AARS2: variants seen among roughly 807,000 people sequenced by gnomAD.
AARS2 encodes alanyl-tRNA synthetase 2, mitochondrial.
Under a neutral mutation model 119.7 loss-of-function variants are expected in AARS2, and 78 were observed. The observed-to-expected ratio is 0.65, with a 90% confidence interval of 0.54 to 0.79. AARS2 has a LOEUF of 0.79. Among genes scored for constraint, AARS2 ranks in the 30% least tolerant of loss-of-function variants. The pLI is 0.00. For missense variants in AARS2, 1,157 were observed against 1,291.3 expected (o/e 0.90, Z 1.59); for synonymous variants, 502 against 526.3 (o/e 0.95, Z 0.63).
Position 44,303,310 on chromosome 6 carries a change from GA to G in AARS2, c.2120del (p.Val707AlafsTer54). The G allele has an allele frequency of 6.2e-7, 1 of 1,614,118 alleles. No homozygotes were observed. The highest frequency in any genetic ancestry group is 8.5e-7 in the Non-Finnish European group (1 of 1,180,042). ...EEVPLALTAQ[V>X]PGLRSLDEVY... Reference sequence around the variant, plus strand: ...CCTCATCCAGAGAGCGCAGGCCAGGGACCTGGGCAGTGAGCGCCAGGGGCAC... The same window carrying G: ...CCTCATCCAGAGAGCGCAGGCCAGGGCCTGGGCAGTGAGCGCCAGGGGCAC... On this transcript the variant is annotated frameshift_variant, in exon 15 of 22. Coordinates refer to ENST00000244571, the MANE Select transcript of AARS2 (RefSeq NM_020745.4). LOFTEE classifies it high-confidence loss of function.
At position 44,312,076 on chromosome 6, in the gene AARS2, A is replaced by G; in HGVS notation, c.431T>C (p.Phe144Ser). ...CACTGATCCCCAGAGACTCACCTTA[A>G]AATATTCACCCCCAAAGGCCCAATT... Reference protein sequence around the residue: ...LGNWAFGGEYFKEEACNMAWE... With the variant: ...LGNWAFGGEYSKEEACNMAWE... Residue 144 changes from phenylalanine to serine, a missense_variant, in exon 2 of 22, where the codon TTT becomes TCT. Phe to Ser is a radical substitution (Grantham distance 155). Coordinates refer to ENST00000244571, the MANE Select transcript of AARS2 (RefSeq NM_020745.4). 1 of 1,614,110 alleles carries G rather than the reference A, an allele frequency of 6.2e-7. No homozygotes were observed. Among genetic ancestry groups the G allele is most frequent in the East Asian group, 2.2e-5 (1 of 44,882 alleles).
intron 18 of AARS2, 93 bp downstream of exon 18, chr6:44,302,298 A>G (rs538959791): frequency 2.5e-6 from 4 of 1,611,564 alleles, no homozygotes; most frequent in Middle Eastern, 1.7e-4. Flanking sequence ...GCCCAACCCA[A>G]TTGGAGTGCT....
At position 44,299,942 on chromosome 6, in the gene AARS2, T is replaced by C. The variant is rs1434707153; in HGVS notation, c.*605A>G. Reference sequence around the variant, plus strand: ...TTGCTGGGAGGGGCAAAACTACTCTTTTTTAAAGGTAATAGAACCTTCTGG... The same window carrying C: ...TTGCTGGGAGGGGCAAAACTACTCTCTTTTAAAGGTAATAGAACCTTCTGG... On this transcript the variant is annotated 3_prime_UTR_variant, in exon 22 of 22. Coordinates refer to ENST00000244571, the MANE Select transcript of AARS2 (RefSeq NM_020745.4). 2 of 133,620 alleles carry C rather than the reference T, an allele frequency of 1.5e-5. No homozygotes were observed. Among genetic ancestry groups the C allele is most frequent in the African/African-American group, 5.7e-5 (2 of 35,050 alleles). 8.3% of individuals were successfully genotyped at this position (133,620 alleles called of 1,614,324 possible).
In AARS2 at chr6:44,307,623, AT is replaced by A; in HGVS notation, c.895-230del. The A allele has an allele frequency of 1.7e-6, 1 of 603,864 alleles. No individual in the cohort carries two copies. The allele number at this position is 603,864 out of a possible 1,614,324, so 37.4% of individuals were successfully genotyped here. ...GAACATATCTGTGACCATTTACTGA[AT>A]TTCTACTATCAGAACTGGGTGAGTA... On this transcript the variant is annotated intron_variant, in intron 5 of 21. Transcript: ENST00000244571. The surrounding 1 kb of genome is among the most constrained non-coding windows in gnomAD (Gnocchi z 4.4).
intron 4 of AARS2, 82 bp from the exon 5 acceptor site, chr6:44,310,525 G>C (rs1253613425): frequency 7.6e-6 from 12 of 1,570,298 alleles, no homozygotes; most frequent in South Asian, 1.1e-5. Flanking sequence ...TAGAGAAATG[G>C]GGGGGGGCCC....
Position 44,301,247 on chromosome 6 carries a change from CGTACCA to C in AARS2, c.2696_2701del (p.Val899_Arg901delinsGly). The C allele has an allele frequency of 3.1e-6, 5 of 1,613,922 alleles. No homozygotes were observed. Among genetic ancestry groups the C allele is most frequent in the Non-Finnish European group, 4.2e-6 (5 of 1,180,010 alleles). On this transcript the variant is annotated inframe_deletion, in exon 21 of 22. Transcript: ENST00000244571. ...GCTGGGGGCCTGCTCACACAGCTGC[CGTACCA>C]CCTTCACCAGCACCTGGACCACGAA...
At chr6:44,310,210 C>T (rs1786225405) in intron 5 of AARS2, 89 bp downstream of exon 5, 1 of 1,497,314 alleles carries the variant, frequency 6.7e-7, no homozygotes, top group African/African-American at 1.4e-5. Flanking sequence ...GCTGAGAACA[C>T]TCTGAGTTCT....
chr6:44,304,716 T>C lies in AARS2; in HGVS notation c.1681A>G (p.Arg561Gly), dbSNP rs958387642. 2.5e-6 allele frequency: 4 copies of C among 1,614,130 alleles called. No individual in the cohort carries two copies. Among genetic ancestry groups the C allele is most frequent in the Non-Finnish European group, 3.4e-6 (4 of 1,180,046 alleles). The change falls in exon 12 of 22, where the codon AGG (arginine) becomes GGG (glycine). Residue 561 changes from arginine to glycine, a missense_variant. Physicochemically the swap from Arg to Gly is moderately radical, Grantham distance 125. Transcript: ENST00000244571. ...KGQRCGLLLD[R>G]TNFYAEQGGQ... ...CCCTGTTCTGCGTAGAAGTTGGTCCTGTCCAAGAGGAGGCCACAGCGCTGG... is the reference window on the plus strand; with the variant it reads ...CCCTGTTCTGCGTAGAAGTTGGTCCCGTCCAAGAGGAGGCCACAGCGCTGG...
At chr6:44,304,059 G>C in intron 14 of AARS2, 122 bp downstream of exon 14, 1 of 1,437,010 alleles carries the variant, frequency 7.0e-7, no homozygotes, top group East Asian at 2.3e-5. Context: ...GGGTCCCATA[G>C]TGATTGGGTG....
chr6:44,303,140 C>T lies in AARS2; in HGVS notation c.2181G>A (p.Gly727=). 5.0e-6 allele frequency: 8 copies of T among 1,614,130 alleles called. No homozygotes were observed. Among genetic ancestry groups the T allele is most frequent in the Non-Finnish European group, 6.8e-6 (8 of 1,180,030 alleles). The change falls in exon 16 of 22, where the codon GGG becomes GGA. Residue 727 remains glycine (G), a synonymous_variant. Transcript: ENST00000244571. ...YPDPVRVVSV[G]VPVAHALDPA... is the part of the protein sequence containing the mutation. ...GGTCCAATGCATGGGCCACGGGCAC[C>T]CCCACTGATACCACCCGCACAGGGT...
chr6:44,311,460 A>G lies in AARS2; in HGVS notation c.511T>C (p.Tyr171His), dbSNP rs1235554728. Residue 171 changes from tyrosine to histidine, a missense_variant, in exon 3 of 22, where the codon TAC (tyrosine) becomes CAC (histidine). Transcript: ENST00000244571. ...GIPEERLWIS[Y>H]FDGDPKAGLD... ...CCTGCCTTGGGGTCACCATCAAAGT[A>G]GGAGATCCAGAGCCTTTCCTCAGGG... 6.2e-7 allele frequency: 1 copy of G among 1,614,116 alleles called. No homozygotes were observed.
At chr6:44,309,134 A>G (rs956158007) in intron 5 of AARS2, among the ~76,000 whole-genome samples, 1 of 152,180 alleles carries the variant, frequency 6.6e-6, no homozygotes, top group Non-Finnish European at 1.5e-5. Flanking sequence ...CATAGAATAC[A>G]GTGGAAACAA....
In AARS2 at chr6:44,304,694, T is replaced by A; in HGVS notation, c.1703A>T (p.Gln568Leu). 6.2e-7 allele frequency: 1 copy of A among 1,614,216 alleles called. No homozygotes were observed. The highest frequency in any genetic ancestry group is 8.5e-7 in the Non-Finnish European group (1 of 1,180,014). Residue 568 changes from glutamine to leucine, a missense_variant, in exon 12 of 22, where the codon CAG (glutamine) becomes CTG (leucine). Transcript: ENST00000244571. The stretch of plus-strand genomic sequence containing the variant: ...GCCACGGTCTGAAGCCTGGCCCCCC[T>A]GTTCTGCGTAGAAGTTGGTCCTGTC... Reference protein sequence around the residue: ...LLDRTNFYAEQGGQASDRGYL... With the variant: ...LLDRTNFYAELGGQASDRGYL...
chr6:44,301,242 G>C lies in AARS2; in HGVS notation c.2707C>G (p.Leu903Val), dbSNP rs1583048622. The change falls in exon 21 of 22, where the codon CTG becomes GTG. Residue 903 changes from leucine (L) to valine (V), a missense_variant. Leu to Val is a conservative substitution (Grantham distance 32). Transcript: ENST00000244571. ...LSVLVKVVRQ[L>V]CEQAPSTSVL... The stretch of plus-strand genomic sequence containing the variant: ...GACGTGCTGGGGGCCTGCTCACACA[G>C]CTGCCGTACCACCTTCACCAGCACC... The C allele has an allele frequency of 6.2e-7, 1 of 1,613,780 alleles. No homozygotes were observed. The highest frequency in any genetic ancestry group is 8.5e-7 in the Non-Finnish European group (1 of 1,179,970).
rs752953949 is a variant in AARS2, at chr6:44,307,637, A to C, written c.895-243T>G. On this transcript the variant is annotated intron_variant, in intron 5 of 21. Coordinates refer to ENST00000244571, the MANE Select transcript of AARS2 (RefSeq NM_020745.4). This position sits in a 1 kb window ranked among gnomAD's most constrained non-coding sequence, Gnocchi z 4.4. ...CCATTTACTGAATTTCTACTATCAG[A>C]ACTGGGTGAGTACTTGAACAACATG... The C allele has an allele frequency of 6.1e-5, 36 of 588,568 alleles. No individual in the cohort carries two copies. Among genetic ancestry groups the C allele is most frequent in the Non-Finnish European group, 1.0e-4 (33 of 331,086 alleles). 36.5% of individuals were successfully genotyped at this position (588,568 alleles called of 1,614,324 possible). A position where few individuals can be genotyped will look rare whatever the true frequency, so the allele number is the denominator to read the frequency against.
rs1006086563 is a variant in AARS2, at chr6:44,301,087, G to A, written c.2793+69C>T. 22 of 1,424,182 alleles carry A rather than the reference G, an allele frequency of 1.5e-5. No homozygotes were observed. The African/African-American group carries it at 2.4e-4, about 15-fold the overall frequency. The allele number at this position is 1,424,182 out of a possible 1,614,324, so 88.2% of individuals were successfully genotyped here. ...GGCCCCTTTGGGAGGAATTAAAGGTGTAAAATCAGAGAGCTGGACCAGGAT... is the reference window on the plus strand; with the variant it reads ...GGCCCCTTTGGGAGGAATTAAAGGTATAAAATCAGAGAGCTGGACCAGGAT... On this transcript the variant is annotated intron_variant, in intron 21 of 21. Coordinates refer to ENST00000244571, the MANE Select transcript of AARS2 (RefSeq NM_020745.4).
At chr6:44,304,100 AG>A in intron 14 of AARS2, 80 bp downstream of exon 14, 1 of 1,600,068 alleles carries the variant, frequency 6.2e-7, no homozygotes, top group African/African-American at 1.3e-5. Context: ...CAGGACTCTA[AG>A]GGCAACCCGC....
intron 8 of AARS2, 33 bp from the exon 9 acceptor site, chr6:44,306,424 C>A: frequency 1.2e-6 from 2 of 1,614,092 alleles, no homozygotes; most frequent in Non-Finnish European, 1.7e-6. Context: ...GGAGCTGGGT[C>A]TCCTTGGAAG....
At chr6:44,306,611 G>T in intron 7 of AARS2, 79 bp from the exon 8 acceptor site, 3 of 1,522,048 alleles carry the variant, frequency 2.0e-6, no homozygotes, top group Admixed American at 1.7e-5. Context: ...GCCTCCCTGA[G>T]GACACCTGCC....
Sources: allele counts gnomAD v4.1 joint callset (sites outside exome capture counted in the v4.1 genomes callset), GRCh38; gene constraint gnomAD v4.1.1; non-coding constraint Gnocchi (gnomAD v3.1); transcripts MANE v1.5; gene names NCBI Gene and HGNC (gene_info 2026-07-23, HGNC 2026-07-21).